Variants in MARCHF1 observed in about 807,000 individuals in gnomAD.
The protein encoded by MARCHF1 is E3 ubiquitin-protein ligase MARCHF1.
A neutral mutation model predicts 54.2 loss-of-function variants in MARCHF1; 40 were observed. The ratio of observed to expected loss-of-function variants is 0.74; its 90% CI spans 0.57 to 0.96. The LOEUF is 0.96. Ranked by LOEUF, MARCHF1 falls within the 40% of genes least tolerant of loss-of-function variation. MARCHF1 has a pLI of 0.00. For synonymous variants in MARCHF1, 236 were observed against 236.3 expected, an observed-to-expected ratio of 1.00 and a Z score of 0.01; for missense variants, 586 against 656.5, an observed-to-expected ratio of 0.89 and a Z score of 1.17.
At position 163,909,778 on chromosome 4, in the gene MARCHF1, T is replaced by C. The variant is rs1270593258; in HGVS notation, c.-38-55609A>G. Among the ~76,000 whole-genome samples the C allele has an allele frequency of 2.6e-5, 4 of 152,332 alleles. No homozygotes were observed. The East Asian group carries it at 7.7e-4, about 29-fold the overall frequency. On this transcript the variant is annotated intron_variant, in intron 3 of 9. Coordinates refer to ENST00000514618, the MANE Select transcript of MARCHF1 (RefSeq NM_001394959.1). Reference sequence around the variant, plus strand: ...TTAAATTGCTTGAGTTCATATTTTTTATCAATCATTAGAAAACAATCAGGC... The same window carrying C: ...TTAAATTGCTTGAGTTCATATTTTTCATCAATCATTAGAAAACAATCAGGC...
In MARCHF1 at chr4:163,546,368, G is replaced by A. The variant is rs149556825; in HGVS notation, c.1192-625C>T. On this transcript the variant is annotated intron_variant, in intron 8 of 9. Transcript: ENST00000514618. The stretch of plus-strand genomic sequence containing the variant: ...GTCATTTCTGTTTTGCAAGTCTATA[G>A]TTTCCTCATCTGTACCAAGAATGAG... Among the ~76,000 whole-genome samples the A allele has an allele frequency of 1.8e-4, 28 of 152,246 alleles. No individual in the cohort carries two copies. The East Asian group carries it at 3.9e-3, about 21-fold the overall frequency.
At chr4:163,971,435 A>G (rs144339532) in intron 3 of MARCHF1, among the ~76,000 whole-genome samples, 2 of 152,230 alleles carry the variant, frequency 1.3e-5, no homozygotes, top group Admixed American at 1.3e-4. Context: ...GTTGTGTTAC[A>G]TATAACTTAA....
At chr4:163,564,664 T>C (rs955042232) in intron 8 of MARCHF1, among the ~76,000 whole-genome samples, 5 of 152,214 alleles carry the variant, frequency 3.3e-5, no homozygotes, top group African/African-American at 2.4e-5. Flanking sequence ...CAAATTACCA[T>C]GTAAGTTAAA....
intron 1 of MARCHF1, among the ~76,000 whole-genome samples, chr4:164,178,900 T>C (rs1411018770): frequency 6.6e-6 from 1 of 151,728 alleles, no homozygotes; most frequent in African/African-American, 2.4e-5. Flanking sequence ...CTCCTATGAG[T>C]TGACAAACCT....
intron 3 of MARCHF1, among the ~76,000 whole-genome samples, chr4:163,885,734 T>A (rs1419735437): frequency 6.6e-6 from 1 of 151,910 alleles, no homozygotes; most frequent in Non-Finnish European, 1.5e-5. Flanking sequence ...CACAATATAA[T>A]GATCCCATAT....
chr4:164,238,651 T>C (rs1732637483), intron 1 of MARCHF1, among the ~76,000 whole-genome samples: 1 of 151,156 alleles, frequency 6.6e-6, no homozygotes, highest in Admixed American at 6.6e-5. Context: ...ATAGTAGCTA[T>C]ATTAACATTG....
intron 1 of MARCHF1, among the ~76,000 whole-genome samples, chr4:164,305,590 T>C (rs1271790586): frequency 2.6e-5 from 4 of 152,176 alleles, no homozygotes; most frequent in African/African-American, 9.6e-5. Flanking sequence ...GGTAAATTGG[T>C]GTTTTTTAAG....
At chr4:164,293,195 T>C (rs751286625) in intron 1 of MARCHF1, among the ~76,000 whole-genome samples, 12 of 152,092 alleles carry the variant, frequency 7.9e-5, no homozygotes, top group Non-Finnish European at 1.8e-4. Flanking sequence ...AATTTCTGCA[T>C]AGCAAACTGC....
intron 1 of MARCHF1, among the ~76,000 whole-genome samples, chr4:164,279,013 T>C (rs1288371880): frequency 1.3e-5 from 2 of 152,050 alleles, no homozygotes; most frequent in African/African-American, 2.4e-5. Context: ...TTTGTCACTA[T>C]AGACCAGTAT....
chr4:164,332,810 A>G (rs1311847802), intron 1 of MARCHF1, among the ~76,000 whole-genome samples: 1 of 152,186 alleles, frequency 6.6e-6, no homozygotes, highest in Non-Finnish European at 1.5e-5. Flanking sequence ...TGACTTAGAA[A>G]AAAACACATT....
At chr4:164,312,268 G>A (rs897389416) in intron 1 of MARCHF1, among the ~76,000 whole-genome samples, 1 of 147,148 alleles carries the variant, frequency 6.8e-6, no homozygotes, top group Non-Finnish European at 1.5e-5. Flanking sequence ...TAAAGCAACT[G>A]TATTTTAGAT....
chr4:164,103,984 C>G (rs1033532658), intron 2 of MARCHF1, among the ~76,000 whole-genome samples: 1 of 150,896 alleles, frequency 6.6e-6, no homozygotes, highest in East Asian at 1.9e-4. Flanking sequence ...ATACTACAAA[C>G]ACCTCTACGC....
At chr4:163,581,197 T>A (rs1366943780) in intron 8 of MARCHF1, among the ~76,000 whole-genome samples, 2 of 152,190 alleles carry the variant, frequency 1.3e-5, no homozygotes, top group African/African-American at 2.4e-5. Context: ...ATCAGGGAGC[T>A]TTGAGTTGTG....
At chr4:163,717,077 T>C (rs1274130022) in intron 4 of MARCHF1, among the ~76,000 whole-genome samples, 1 of 151,774 alleles carries the variant, frequency 6.6e-6, no homozygotes, top group East Asian at 1.9e-4. Flanking sequence ...ACATGTGCCA[T>C]GTTGGTGTGC....
chr4:164,337,805 A>G (rs1242367730), intron 1 of MARCHF1, among the ~76,000 whole-genome samples: 1 of 152,176 alleles, frequency 6.6e-6, no homozygotes, highest in Non-Finnish European at 1.5e-5. Flanking sequence ...TACAAACTCA[A>G]GCATGCCAAT....
chr4:163,949,899 G>A (rs1173220771), intron 3 of MARCHF1, among the ~76,000 whole-genome samples: 1 of 152,170 alleles, frequency 6.6e-6, no homozygotes. Flanking sequence ...CCTCTGCTCA[G>A]CTCTCAGCAG....
At chr4:163,581,786 T>C (rs983882661) in intron 8 of MARCHF1, among the ~76,000 whole-genome samples, 6 of 152,216 alleles carry the variant, frequency 3.9e-5, no homozygotes, top group Non-Finnish European at 8.8e-5. Context: ...ACAGAACTTA[T>C]ATTCTATGAA....
chr4:164,166,909 A>G (rs891857008), intron 1 of MARCHF1, among the ~76,000 whole-genome samples: 1 of 151,514 alleles, frequency 6.6e-6, no homozygotes, highest in African/African-American at 2.4e-5. Flanking sequence ...TAAAAAAACA[A>G]TGAATAAATT....
intron 1 of MARCHF1, among the ~76,000 whole-genome samples, chr4:164,314,086 T>G (rs1481769175): frequency 6.6e-6 from 1 of 152,228 alleles, no homozygotes; most frequent in African/African-American, 2.4e-5. Flanking sequence ...CTTCAGCTTT[T>G]GCAGAAGCCC....
Sources: gnomAD v4.1 joint callset for allele counts (sites outside exome capture counted in the v4.1 genomes callset) on GRCh38, gnomAD v4.1.1 for gene constraint, MANE v1.5 for transcripts, NCBI Gene and HGNC (gene_info 2026-07-23, HGNC 2026-07-21) for gene names.